Variants in ATF1 observed in about 807,000 individuals in gnomAD.
ATF1 encodes the protein activating transcription factor 1, also known as cyclic AMP-dependent transcription factor ATF-1.
In ATF1, 16 loss-of-function variants were observed where a neutral mutation model predicts 34.7. The observed-to-expected ratio is 0.46, with a 90% CI of 0.31 to 0.70. ATF1 has a LOEUF of 0.70. Ranked by LOEUF, ATF1 falls within the 30% of genes least tolerant of loss-of-function variation. ATF1 has a pLI of 0.05. For missense variants in ATF1, 255 were observed against 321.6 expected (o/e 0.79, Z 1.58); for synonymous variants, 105 against 113.1 (o/e 0.93, Z 0.46).
rs540757028 is a variant in ATF1, at chr12:50,777,301, T to G, written c.-6-2839T>G. Among the ~76,000 whole-genome samples, 18 of 152,314 alleles carry G rather than the reference T, an allele frequency of 1.2e-4. No homozygotes were observed. In the South Asian group the frequency reaches 3.7e-3, roughly 32 times the overall value. On this transcript the variant is annotated intron_variant, in intron 1 of 6. Transcript: ENST00000262053. ...GTGGAAATAGAAGACTAAAAGAAAT[T>G]AGACAATAATGTGATTAATATCTGT...
In ATF1 at chr12:50,775,037, C is replaced by A. The variant is rs1051338021; in HGVS notation, c.-6-5103C>A. On this transcript the variant is annotated intron_variant, in intron 1 of 6. Transcript: ENST00000262053. Reference sequence around the variant, plus strand: ...GGGATTACAGGCCTGAGCCACCGTGCCTGGCCAAGAGCTTTATTTGATATG... The same window carrying A: ...GGGATTACAGGCCTGAGCCACCGTGACTGGCCAAGAGCTTTATTTGATATG... Among the ~76,000 whole-genome samples the A allele has an allele frequency of 3.9e-5, 6 of 151,990 alleles. No individual in the cohort carries two copies. In the South Asian group the frequency reaches 1.2e-3, roughly 32 times the overall value.
chr12:50,809,458 A>C lies in ATF1; in HGVS notation c.197A>C (p.Lys66Thr). The C allele has an allele frequency of 6.2e-7, 1 of 1,609,982 alleles. No homozygotes were observed. Among genetic ancestry groups the C allele is most frequent in the Non-Finnish European group, 8.5e-7 (1 of 1,178,042 alleles). Residue 66 changes from lysine (K) to threonine (T), a missense_variant and splice_region_variant, in exon 4 of 7, where the codon AAA becomes ACA. Coordinates refer to ENST00000262053, the MANE Select transcript of ATF1 (RefSeq NM_005171.5). ...GILARRPSYR[K>T]ILKDLSSEDT... is the part of the protein sequence containing the mutation. ...TAGAGTTCTGGTTTTTTTTACAGAA[A>C]AATTTTGAAAGACTTATCTTCTGAA...
At chr12:50,805,926 A>C (rs151112679) in intron 3 of ATF1, among the ~76,000 whole-genome samples, 79 of 152,286 alleles carry the variant, frequency 5.2e-4, no homozygotes, top group Admixed American at 1.4e-3. Flanking sequence ...CCAGGTGGGC[A>C]GATCACCTGA....
intron 1 of ATF1, among the ~76,000 whole-genome samples, chr12:50,777,916 C>T (rs1402136672): frequency 3.3e-5 from 5 of 150,280 alleles, no homozygotes; most frequent in Admixed American, 6.7e-5. Flanking sequence ...GAGAAATATA[C>T]GTACCGTGGA....
intron 1 of ATF1, among the ~76,000 whole-genome samples, chr12:50,769,663 A>G (rs1186536493): frequency 6.6e-6 from 1 of 152,214 alleles, no homozygotes; most frequent in Non-Finnish European, 1.5e-5. Flanking sequence ...GTTATTAATA[A>G]TTATAATTGT....
At chr12:50,792,301 A>G (rs1035402969) in intron 2 of ATF1, among the ~76,000 whole-genome samples, 1 of 152,262 alleles carries the variant, frequency 6.6e-6, no homozygotes, top group Admixed American at 6.5e-5. Context: ...GCGATTAAAT[A>G]TAATCAGCTC....
rs1257999517 is a variant in ATF1, at chr12:50,781,892, G to A, written c.93+1654G>A. Among the ~76,000 whole-genome samples, 3 of 145,434 alleles carry A rather than the reference G, an allele frequency of 2.1e-5. 1 individual carries two copies. In the East Asian group the frequency reaches 5.9e-4, roughly 29 times the overall value. ...ATCATGCCACTGCACTCCAGCCTGG[G>A]TGACAGAGTGAGACCCTATCTCCAA... On this transcript the variant is annotated intron_variant, in intron 2 of 6. Transcript: ENST00000262053.
At chr12:50,781,847 C>A (rs1250896542) in intron 2 of ATF1, among the ~76,000 whole-genome samples, 1 of 147,862 alleles carries the variant, frequency 6.8e-6, no homozygotes, top group Non-Finnish European at 1.5e-5. Context: ...CCCAGGAGTT[C>A]AAGGCAGCAG....
chr12:50,799,655 G>A (rs1941476125), intron 3 of ATF1, among the ~76,000 whole-genome samples: 1 of 151,978 alleles, frequency 6.6e-6, no homozygotes, highest in Non-Finnish European at 1.5e-5. Flanking sequence ...TAAACTCTCG[G>A]CCAAAAATAG....
intron 6 of ATF1, 121 bp from the exon 7 acceptor site, chr12:50,819,514 C>G: frequency 1.8e-6 from 2 of 1,111,846 alleles, no homozygotes; most frequent in African/African-American, 1.6e-5. Context: ...TATGTATTCT[C>G]TGTGTGTAGA....
At chr12:50,799,569 T>G (rs35027147) in intron 3 of ATF1, among the ~76,000 whole-genome samples, 5 of 152,048 alleles carry the variant, frequency 3.3e-5, no homozygotes, top group Non-Finnish European at 7.4e-5. Context: ...ATGTTGGAAT[T>G]ATATGACAAG....
rs575498237 is a variant in ATF1, at chr12:50,764,264, A to G, written c.-50A>G. On this transcript the variant is annotated 5_prime_UTR_variant, in exon 1 of 7. Coordinates refer to ENST00000262053, the MANE Select transcript of ATF1 (RefSeq NM_005171.5). ...AATTCGGATCTACCTGGGAGGGGGGAGTGGAAGTTCCCGCCCCGGAGAGCG... is the reference window on the plus strand; with the variant it reads ...AATTCGGATCTACCTGGGAGGGGGGGGTGGAAGTTCCCGCCCCGGAGAGCG... The G allele has an allele frequency of 2.7e-5, 4 of 147,904 alleles. No homozygotes were observed. In the East Asian group the frequency reaches 8.0e-4, roughly 30 times the overall value. 9.2% of individuals were successfully genotyped at this position (147,904 alleles called of 1,614,324 possible). A position where few individuals can be genotyped will look rare whatever the true frequency, so the allele number is the denominator to read the frequency against.
intron 1 of ATF1, among the ~76,000 whole-genome samples, chr12:50,767,779 C>T (rs1204501608): frequency 6.6e-6 from 1 of 152,066 alleles, no homozygotes; most frequent in Non-Finnish European, 1.5e-5. Context: ...AGTTAAAAGC[C>T]CTTATAAGCT....
chr12:50,773,839 C>T (rs1029983109), intron 1 of ATF1, among the ~76,000 whole-genome samples: 1 of 151,980 alleles, frequency 6.6e-6, no homozygotes, highest in Non-Finnish European at 1.5e-5. Flanking sequence ...ATCTGCCCGC[C>T]TCGATCTCCC....
At chr12:50,796,835 C>T (rs370146636) in intron 3 of ATF1, among the ~76,000 whole-genome samples, 36 of 152,202 alleles carry the variant, frequency 2.4e-4, no homozygotes, top group African/African-American at 7.5e-4. Context: ...ATAAGCTCTT[C>T]GACATTGACC....
intron 2 of ATF1, among the ~76,000 whole-genome samples, chr12:50,783,283 G>T (rs1167019388): frequency 6.6e-6 from 1 of 152,140 alleles, no homozygotes; most frequent in Non-Finnish European, 1.5e-5. Flanking sequence ...ACCCAAAGGG[G>T]TTAGTCCTTT....
At chr12:50,798,454 G>A (rs1026028388) in intron 3 of ATF1, among the ~76,000 whole-genome samples, 1 of 151,688 alleles carries the variant, frequency 6.6e-6, no homozygotes, top group East Asian at 2.0e-4. Flanking sequence ...GACTACAGGC[G>A]CCCGCCACCA....
At position 50,820,897 on chromosome 12, in the gene ATF1, C is replaced by CA. The variant is rs772174781; in HGVS notation, c.*1121dup. 5.6e-6 allele frequency: 1 copy of CA among 179,158 alleles called. No homozygotes were observed. Among genetic ancestry groups the CA allele is most frequent in the African/African-American group, 2.4e-5 (1 of 42,310 alleles). The allele number at this position is 179,158 out of a possible 1,614,324, so 11.1% of individuals were successfully genotyped here. ...ATATAGTTTAGTAAAATTTGCATCT[C>CA]AAAGTATCATTTTTATATTATGGGA... On this transcript the variant is annotated 3_prime_UTR_variant, in exon 7 of 7. Transcript: ENST00000262053.
chr12:50,764,362 G>C (rs1940569769), intron 1 of ATF1, 55 bp downstream of exon 1: 1 of 151,802 alleles, frequency 6.6e-6, no homozygotes, highest in Non-Finnish European at 1.5e-5. Context: ...GAAGGACGCG[G>C]GAACGTGGCG....
Sources: gnomAD v4.1 joint callset for allele counts (sites outside exome capture counted in the v4.1 genomes callset) on GRCh38, gnomAD v4.1.1 for gene constraint, MANE v1.5 for transcripts, NCBI Gene and HGNC (gene_info 2026-07-23, HGNC 2026-07-21) for gene names.